The following CALN1 variants were observed in gnomAD, a reference collection of about 807,000 sequenced individuals.
The protein encoded by CALN1 is calcium-binding protein 8.
A neutral mutation model predicts 30.6 loss-of-function variants in CALN1; 17 were observed. That is an observed-to-expected ratio of 0.56 (90% confidence interval 0.38 to 0.83). The LOEUF (loss-of-function observed/expected upper bound fraction) is 0.83. CALN1 is among the 40% of genes least tolerant of loss of function. The pLI is 0.00. For synonymous variants in CALN1, 156 were observed against 131.4 expected, an observed-to-expected ratio of 1.19 and a Z score of -1.28; for missense variants, 291 against 354.9, an observed-to-expected ratio of 0.82 and a Z score of 1.45.
At chr7:71,987,213 T>C (rs1249908225) in intron 5 of CALN1, among the ~76,000 whole-genome samples, 2 of 152,036 alleles carry the variant, frequency 1.3e-5, no homozygotes, top group Non-Finnish European at 2.9e-5. Context: ...TCTGATGGGA[T>C]ACATTTTAAA....
rs1246959557 is a variant in CALN1, at chr7:71,780,434, G to C, written c.*7341C>G. ...GGTTTTATGTTGCCTGGGGCAGAAG[G>C]GTTAGAGACTTGTGGATCCTGCAGC... is the stretch of plus-strand genomic sequence containing the variant. On this transcript the variant is annotated 3_prime_UTR_variant, in exon 7 of 7. Transcript: ENST00000395275. The C allele has an allele frequency of 6.6e-6, 1 of 152,174 alleles. No individual in the cohort carries two copies. The highest frequency in any genetic ancestry group is 1.5e-5 in the Non-Finnish European group (1 of 68,116). The allele number at this position is 152,174 out of a possible 1,614,324, so 9.4% of individuals were successfully genotyped here. A position where few individuals can be genotyped will look rare whatever the true frequency, so the allele number is the denominator to read the frequency against.
chr7:72,227,323 A>G (rs959722575), intron 3 of CALN1, among the ~76,000 whole-genome samples: 9 of 151,682 alleles, frequency 5.9e-5, no homozygotes, highest in African/African-American at 1.9e-4. Flanking sequence ...GCAGATAACT[A>G]AAGGTCAGGA....
chr7:72,363,283 G>T (rs933531528), intron 2 of CALN1, among the ~76,000 whole-genome samples: 1 of 152,134 alleles, frequency 6.6e-6, no homozygotes, highest in African/African-American at 2.4e-5. Flanking sequence ...CTGTTGCCTA[G>T]GCTGGAGTGC....
At chr7:72,154,202 C>T (rs1787484050) in intron 3 of CALN1, among the ~76,000 whole-genome samples, 1 of 150,874 alleles carries the variant, frequency 6.6e-6, no homozygotes, top group Non-Finnish European at 1.5e-5. Flanking sequence ...CAAACTGCTT[C>T]TTTTAACTAA....
intron 4 of CALN1, among the ~76,000 whole-genome samples, chr7:72,055,236 G>T (rs1803177606): frequency 6.6e-6 from 1 of 152,184 alleles, no homozygotes; most frequent in Non-Finnish European, 1.5e-5. Context: ...CCTGGGGCTG[G>T]GTGGGGCAGG....
Position 72,124,586 on chromosome 7 carries a change from A to G in CALN1, c.245-18292T>C, listed in dbSNP as rs1808610562. Among the ~76,000 whole-genome samples, 2 of 152,092 alleles carry G rather than the reference A, an allele frequency of 1.3e-5. 1 individual carries two copies. Among genetic ancestry groups the G allele is most frequent in the South Asian group, 4.2e-4 (2 of 4,816 alleles). ...AGGATTGCTTAAGCCCAGAAGTTTG[A>G]GGCTGCAGTGAGGTATGACCCTACC... On this transcript the variant is annotated intron_variant, in intron 3 of 6. Transcript: ENST00000395275.
At chr7:71,980,371 G>A (rs1798332933) in intron 5 of CALN1, among the ~76,000 whole-genome samples, 1 of 151,380 alleles carries the variant, frequency 6.6e-6, no homozygotes, top group East Asian at 2.0e-4. Context: ...ATTTTTAGTA[G>A]AGACAGGGTT....
intron 5 of CALN1, among the ~76,000 whole-genome samples, chr7:71,951,005 A>T (rs756656877): frequency 6.6e-6 from 1 of 152,004 alleles, no homozygotes; most frequent in Non-Finnish European, 1.5e-5. Context: ...TCCCCGTTTT[A>T]TTTCTACCAT....
intron 2 of CALN1, among the ~76,000 whole-genome samples, chr7:72,315,792 G>A (rs1314996585): frequency 3.3e-5 from 5 of 152,098 alleles, no homozygotes; most frequent in Admixed American, 6.6e-5. Flanking sequence ...ATTGCTGCTG[G>A]AAATTAAAAT....
intron 3 of CALN1, among the ~76,000 whole-genome samples, chr7:72,166,991 G>A (rs1788570240): frequency 6.6e-6 from 1 of 151,974 alleles, no homozygotes; most frequent in Non-Finnish European, 1.5e-5. Flanking sequence ...CCGAGATCAT[G>A]CCACTGCACT....
chr7:72,241,667 T>C (rs955866256), intron 3 of CALN1, among the ~76,000 whole-genome samples: 3 of 151,914 alleles, frequency 2.0e-5, no homozygotes, highest in African/African-American at 7.3e-5. Flanking sequence ...GATCACGCCA[T>C]TGCACTCCAG....
At chr7:72,429,696 A>G (rs2129563966) in intron 1 of CALN1, among the ~76,000 whole-genome samples, 1 of 148,820 alleles carries the variant, frequency 6.7e-6, no homozygotes, top group East Asian at 1.9e-4. Flanking sequence ...TATATATTAC[A>G]TAAATATATA....
intron 2 of CALN1, among the ~76,000 whole-genome samples, chr7:72,359,981 A>AAAAAAAAAAAG (rs1295098818): frequency 6.7e-6 from 1 of 150,272 alleles, no homozygotes; most frequent in Admixed American, 6.6e-5. Context: ...CATCTCAAAA[A>AAAAAAAAAAAG]AAAAAAAAAA....
intron 1 of CALN1, among the ~76,000 whole-genome samples, chr7:72,443,054 A>G (rs543509370): frequency 6.6e-6 from 1 of 152,350 alleles, no homozygotes; most frequent in South Asian, 2.1e-4. Context: ...GCACTTTGTT[A>G]AGAATTGCAC....
At chr7:71,814,990 C>T (rs957307279) in intron 5 of CALN1, among the ~76,000 whole-genome samples, 2 of 152,108 alleles carry the variant, frequency 1.3e-5, no homozygotes, top group South Asian at 2.1e-4. Context: ...CCCGCCACCA[C>T]GCCCAGCTGA....
chr7:71,950,003 C>G (rs915173519), intron 5 of CALN1, among the ~76,000 whole-genome samples: 3 of 152,010 alleles, frequency 2.0e-5, no homozygotes, highest in Admixed American at 1.3e-4. Flanking sequence ...ACCTCATGAT[C>G]TGCCTGCCTC....
At chr7:71,866,912 AAAT>A in intron 5 of CALN1, among the ~76,000 whole-genome samples, 1 of 152,192 alleles carries the variant, frequency 6.6e-6, no homozygotes, top group African/African-American at 2.4e-5. Flanking sequence ...TGGGAGGCCG[AAAT>A]GAGTGGATCA....
At chr7:72,308,234 T>C (rs903754431) in intron 2 of CALN1, among the ~76,000 whole-genome samples, 2 of 152,024 alleles carry the variant, frequency 1.3e-5, no homozygotes, top group Non-Finnish European at 2.9e-5. Flanking sequence ...CATGGTGGTA[T>C]ACACCTGTAA....
rs147797294 is a variant in CALN1 at position 72,412,318 on chromosome 7, G to T, written c.-334C>A. On this transcript the variant is annotated 5_prime_UTR_variant, in exon 1 of 7. Coordinates refer to ENST00000395275, the MANE Select transcript of CALN1 (RefSeq NM_031468.4). ...AAAGAAAAAAACACAAACTCAAGCG[G>T]ATAGCACCCCAGCGAGCTTCCCCAG... 2 of 152,144 alleles carry T rather than the reference G, an allele frequency of 1.3e-5. No homozygotes were observed. Among genetic ancestry groups the T allele is most frequent in the South Asian group, 2.1e-4 (1 of 4,818 alleles). 9.4% of individuals were successfully genotyped at this position (152,144 alleles called of 1,614,324 possible). A position where few individuals can be genotyped will look rare whatever the true frequency, so the allele number is the denominator to read the frequency against.
Sources: gnomAD v4.1 joint callset for allele counts (sites outside exome capture counted in the v4.1 genomes callset) on GRCh38, gnomAD v4.1.1 for gene constraint, MANE v1.5 for transcripts, NCBI Gene and HGNC (gene_info 2026-07-23, HGNC 2026-07-21) for gene names.